Variants in NLGN1 observed in about 807,000 individuals in gnomAD.
The protein encoded by NLGN1 is neuroligin 1.
Under a neutral mutation model 65.5 loss-of-function variants are expected in NLGN1, and 12 were observed. That is an observed-to-expected ratio of 0.18 (90% confidence interval 0.12 to 0.30). The LOEUF is 0.30. Among genes scored for constraint, NLGN1 ranks in the 10% least tolerant of loss-of-function variants. The probability of loss-of-function intolerance (pLI) is 1.00; values close to 1 mark genes in which losing one functional copy is unlikely to be tolerated. For missense variants in NLGN1, 750 were observed against 1,007.1 expected, an observed-to-expected ratio of 0.74 and a Z score of 3.46; for synonymous variants, 350 against 359.5, an observed-to-expected ratio of 0.97 and a Z score of 0.30.
At chr3:173,878,159 A>T (rs1333373030) in intron 4 of NLGN1, among the ~76,000 whole-genome samples, 1 of 152,020 alleles carries the variant, frequency 6.6e-6, no homozygotes, top group African/African-American at 2.4e-5. Context: ...CTCCTGCCTC[A>T]GCCTCCCAAG....
intron 4 of NLGN1, among the ~76,000 whole-genome samples, chr3:174,105,570 C>A (rs145881137): frequency 2.0e-5 from 3 of 151,906 alleles, no homozygotes; most frequent in African/African-American, 4.8e-5. Flanking sequence ...CAAGCAAAAC[C>A]AGAAAACAAA....
At chr3:173,811,034 G>A (rs1036677717) in intron 4 of NLGN1, among the ~76,000 whole-genome samples, 3 of 152,094 alleles carry the variant, frequency 2.0e-5, no homozygotes, top group Non-Finnish European at 2.9e-5. Context: ...AGCTCCTGGC[G>A]ACCTCCTGCC....
rs1176839455 is a variant in NLGN1, at chr3:174,066,556, C to CTGTGTG, written c.647-208758_647-208757insGTGTGT. On this transcript the variant is annotated intron_variant, in intron 4 of 6. Transcript: ENST00000457714. ...TCTCTCTCTCTCTCTCTCTCTCTCT[C>CTGTGTG]TCTCTCTCTGTGTGTGTGTGTGTGT... 2.2e-3 allele frequency among the ~76,000 whole-genome samples: 291 copies of CTGTGTG among 133,832 alleles called. 1 individual carries two copies. The highest frequency in any genetic ancestry group is 7.8e-3 in the African/African-American group (252 of 32,452). 87.8% of individuals were successfully genotyped at this position (133,832 alleles called of 152,430 possible). A position where few individuals can be genotyped will look rare whatever the true frequency, so the allele number is the denominator to read the frequency against.
intron 4 of NLGN1, among the ~76,000 whole-genome samples, chr3:173,950,597 G>A (rs1350939794): frequency 1.3e-5 from 2 of 152,112 alleles, no homozygotes; most frequent in Admixed American, 6.6e-5. Context: ...TGGATCACCT[G>A]AGGTCAGGAG....
intron 4 of NLGN1, among the ~76,000 whole-genome samples, chr3:173,886,756 A>G (rs1315334588): frequency 6.6e-6 from 1 of 152,076 alleles, no homozygotes; most frequent in African/African-American, 2.4e-5. Flanking sequence ...CCTAGAGGGA[A>G]GAGTGGCCTC....
chr3:173,723,150 T>C (rs1771144847), intron 3 of NLGN1, among the ~76,000 whole-genome samples: 1 of 152,158 alleles, frequency 6.6e-6, no homozygotes, highest in Non-Finnish European at 1.5e-5. Context: ...CGGCTAGAGC[T>C]ATGTGAGCAA....
At chr3:174,115,309 C>T (rs530975510) in intron 4 of NLGN1, among the ~76,000 whole-genome samples, 9 of 152,154 alleles carry the variant, frequency 5.9e-5, no homozygotes, top group East Asian at 5.8e-4. Context: ...GGCTTAGTTA[C>T]GCATAATGAC....
chr3:173,422,561 A>C (rs968192657), intron 1 of NLGN1, among the ~76,000 whole-genome samples: 3 of 152,132 alleles, frequency 2.0e-5, no homozygotes, highest in Admixed American at 6.5e-5. Flanking sequence ...GTTTTTCTAT[A>C]ATGGCTGTAC....
intron 2 of NLGN1, among the ~76,000 whole-genome samples, chr3:173,510,082 A>G (rs1477277998): frequency 6.6e-6 from 1 of 152,184 alleles, no homozygotes; most frequent in African/African-American, 2.4e-5. Context: ...TACAGGATAA[A>G]TTCTCCACTT....
At chr3:173,761,292 C>G (rs149753261) in intron 3 of NLGN1, among the ~76,000 whole-genome samples, 1 of 151,984 alleles carries the variant, frequency 6.6e-6, no homozygotes, top group African/African-American at 2.4e-5. Context: ...ACTGGAGTGA[C>G]GTCTTATTTT....
At chr3:173,875,774 C>CTCTCTGAAGTTCTAGCAAGAAT (rs1444057296) in intron 4 of NLGN1, among the ~76,000 whole-genome samples, 1 of 152,096 alleles carries the variant, frequency 6.6e-6, no homozygotes, top group East Asian at 1.9e-4. Flanking sequence ...AAGCTTCTTC[C>CTCTCTGAAGTTCTAGCAAGAAT]TCTCTGAAGT....
At chr3:173,437,059 G>A (rs1483657063) in intron 2 of NLGN1, among the ~76,000 whole-genome samples, 1 of 152,178 alleles carries the variant, frequency 6.6e-6, no homozygotes, top group African/African-American at 2.4e-5. Flanking sequence ...GACTGACTCA[G>A]ACATTAGCAA....
chr3:174,209,867 G>A (rs1315713757), intron 4 of NLGN1, among the ~76,000 whole-genome samples: 4 of 151,566 alleles, frequency 2.6e-5, no homozygotes, highest in Admixed American at 1.3e-4. Flanking sequence ...TCCTAGCCTC[G>A]TGATCCACCC....
intron 4 of NLGN1, among the ~76,000 whole-genome samples, chr3:173,974,796 T>C (rs1290543186): frequency 6.6e-6 from 1 of 152,086 alleles, no homozygotes; most frequent in East Asian, 1.9e-4. Flanking sequence ...TCCTAGCATA[T>C]AGTCTTTATA....
intron 2 of NLGN1, among the ~76,000 whole-genome samples, chr3:173,490,803 C>T (rs367585036): frequency 2.4e-4 from 36 of 152,084 alleles, no homozygotes; most frequent in East Asian, 2.1e-3. Context: ...TTGAAGAGGT[C>T]CTTCACATCC....
chr3:174,031,960 A>C (rs1380574839), intron 4 of NLGN1, among the ~76,000 whole-genome samples: 1 of 151,880 alleles, frequency 6.6e-6, no homozygotes, highest in African/African-American at 2.4e-5. Context: ...AAAAAAAAAT[A>C]GTTATTATAT....
At chr3:174,075,639 G>GT (rs1392492432) in intron 4 of NLGN1, among the ~76,000 whole-genome samples, 1 of 152,108 alleles carries the variant, frequency 6.6e-6, no homozygotes, top group Non-Finnish European at 1.5e-5. Context: ...GTTTTTAACA[G>GT]TAAGACTGGT....
At chr3:174,142,704 G>T (rs1228229187) in intron 4 of NLGN1, among the ~76,000 whole-genome samples, 1 of 152,082 alleles carries the variant, frequency 6.6e-6, no homozygotes, top group Non-Finnish European at 1.5e-5. Context: ...TTAAATCAGG[G>T]CATTATAGGA....
intron 4 of NLGN1, among the ~76,000 whole-genome samples, chr3:174,066,546 CTCTCTCTCTCTCTCTCTCTG>C (rs1738610415): frequency 8.7e-6 from 1 of 114,730 alleles, no homozygotes; most frequent in Non-Finnish European, 1.9e-5. Flanking sequence ...CTCTCTCTCT[CTCTCTCTCTCTCTCTCTCTG>C]TGTGTGTGTG....
Sources: gnomAD v4.1 joint callset for allele counts (sites outside exome capture counted in the v4.1 genomes callset) on GRCh38, gnomAD v4.1.1 for gene constraint, MANE v1.5 for transcripts, NCBI Gene and HGNC (gene_info 2026-07-23, HGNC 2026-07-21) for gene names.